The following TNNI3K variants were observed in gnomAD, a reference collection of about 807,000 sequenced individuals.
The protein encoded by TNNI3K is serine/threonine-protein kinase TNNI3K.
In TNNI3K, 140 loss-of-function variants were observed where a neutral mutation model predicts 114.5. The observed-to-expected ratio is 1.22, with a 90% CI of 1.07 to 1.41. The LOEUF is 1.41. TNNI3K is among the 40% of genes most tolerant of loss of function. The probability of loss-of-function intolerance (pLI) is 0.00; values close to 1 mark genes in which losing one functional copy is unlikely to be tolerated. For missense variants in TNNI3K, 1,125 were observed against 1,007.6 expected (o/e 1.12, Z -1.58); for synonymous variants, 347 against 347.5 (o/e 1.00, Z 0.02).
intron 17 of TNNI3K, among the ~76,000 whole-genome samples, chr1:74,390,342 CT>C (rs1161756653): frequency 1.3e-5 from 2 of 152,188 alleles, no homozygotes; most frequent in African/African-American, 4.8e-5. Flanking sequence ...ATTTCCTGGA[CT>C]TTATTTTGAG....
At chr1:74,408,111 A>C (rs542865178) in intron 17 of TNNI3K, among the ~76,000 whole-genome samples, 1 of 152,282 alleles carries the variant, frequency 6.6e-6, no homozygotes. Flanking sequence ...TTTTCTCTAA[A>C]TATCACCACA....
chr1:74,368,922 A>G (rs1220555973), intron 13 of TNNI3K, 100 bp from the exon 14 acceptor site: 3 of 999,652 alleles, frequency 3.0e-6, no homozygotes, highest in East Asian at 3.0e-5. Flanking sequence ...AAATGTTATT[A>G]GGAAATTATG....
intron 23 of TNNI3K, among the ~76,000 whole-genome samples, chr1:74,497,676 TCCTAG>T (rs1669400043): frequency 6.6e-6 from 1 of 152,062 alleles, no homozygotes; most frequent in Non-Finnish European, 1.5e-5. Flanking sequence ...CCTCTCTGCT[TCCTAG>T]CGTTTGCAAC....
chr1:74,449,101 T>C (rs1666857143), intron 20 of TNNI3K, among the ~76,000 whole-genome samples: 1 of 145,588 alleles, frequency 6.9e-6, no homozygotes. Flanking sequence ...CCTGGACTCT[T>C]TTTGGTTGGT....
At chr1:74,477,477 A>G (rs1668262700) in intron 21 of TNNI3K, among the ~76,000 whole-genome samples, 1 of 152,198 alleles carries the variant, frequency 6.6e-6, no homozygotes, top group Non-Finnish European at 1.5e-5. Context: ...CAGGAACAAA[A>G]AAATCCAAAA....
At chr1:74,390,252 G>A (rs1401183288) in intron 17 of TNNI3K, among the ~76,000 whole-genome samples, 1 of 152,122 alleles carries the variant, frequency 6.6e-6, no homozygotes, top group Non-Finnish European at 1.5e-5. Context: ...AGAAGTCTGG[G>A]TAAGATTGAG....
chr1:74,386,070 G>A (rs1663462899), intron 17 of TNNI3K, among the ~76,000 whole-genome samples: 1 of 152,186 alleles, frequency 6.6e-6, no homozygotes, highest in South Asian at 2.1e-4. Flanking sequence ...CTTTACAAAA[G>A]GGAGTTCCAC....
intron 21 of TNNI3K, among the ~76,000 whole-genome samples, chr1:74,488,197 G>A (rs1668865745): frequency 6.6e-6 from 1 of 152,128 alleles, no homozygotes; most frequent in Non-Finnish European, 1.5e-5. Flanking sequence ...GTGTTTAGAG[G>A]AGAAACCATT....
At chr1:74,257,661 C>CCTTTTTTTTTT in intron 4 of TNNI3K, among the ~76,000 whole-genome samples, 1 of 78,588 alleles carries the variant, frequency 1.3e-5, no homozygotes, top group Non-Finnish European at 3.1e-5. Context: ...CTTGGCTTAC[C>CCTTTTTTTTTT]TCTTTTTTTT....
chr1:74,323,865 G>C (rs183934971), intron 5 of TNNI3K, among the ~76,000 whole-genome samples: 109 of 152,218 alleles, frequency 7.2e-4, no homozygotes, highest in African/African-American at 2.5e-3. Flanking sequence ...ATGTCAGTGA[G>C]GAAAAGCAAC....
intron 5 of TNNI3K, among the ~76,000 whole-genome samples, chr1:74,281,602 T>C (rs1237006437): frequency 2.0e-5 from 3 of 152,114 alleles, no homozygotes; most frequent in African/African-American, 7.2e-5. Flanking sequence ...TTCAAGTTTC[T>C]TTTTCGATCT....
intron 17 of TNNI3K, among the ~76,000 whole-genome samples, chr1:74,430,410 T>C (rs1386544425): frequency 6.6e-6 from 1 of 152,114 alleles, no homozygotes; most frequent in Non-Finnish European, 1.5e-5. Flanking sequence ...CCATTCACTT[T>C]TGGTTAAAAG....
At position 74,367,242 on chromosome 1, in the gene TNNI3K, A is replaced by G. The variant is rs200294762; in HGVS notation, c.1178-14A>G. On this transcript the variant is annotated splice_polypyrimidine_tract_variant and intron_variant, in intron 11 of 24. Transcript: ENST00000326637. ...AAATTTAGGACTCTTTGTTCTTTGT[A>G]TCTTTTCATAAAGGGCATGATGCCA... The G allele has an allele frequency of 2.6e-5, 42 of 1,609,192 alleles. No individual in the cohort carries two copies. The Middle Eastern group carries it at 1.2e-3, about 44-fold the overall frequency.
At chr1:74,408,868 A>G (rs1664747678) in intron 17 of TNNI3K, among the ~76,000 whole-genome samples, 1 of 152,122 alleles carries the variant, frequency 6.6e-6, no homozygotes, top group Non-Finnish European at 1.5e-5. Context: ...TTGTTGTACT[A>G]TTTTGTAGAA....
chr1:74,481,355 A>G (rs1668491896), intron 21 of TNNI3K, among the ~76,000 whole-genome samples: 1 of 152,164 alleles, frequency 6.6e-6, no homozygotes, highest in Non-Finnish European at 1.5e-5. Flanking sequence ...AGAATCAACT[A>G]AGAGCTGAGC....
intron 24 of TNNI3K, among the ~76,000 whole-genome samples, chr1:74,543,063 C>T (rs10890131): frequency 0.78 from 9,616 of 12,342 alleles, 4,223 homozygotes; most frequent in Middle Eastern, 0.92. Context: ...TTTCTTTTTC[C>T]CTTTTTTTTT....
At chr1:74,495,845 A>G (rs938951387) in intron 23 of TNNI3K, among the ~76,000 whole-genome samples, 2 of 152,162 alleles carry the variant, frequency 1.3e-5, no homozygotes, top group African/African-American at 4.8e-5. Context: ...TCAATCTGTG[A>G]ATAACTTCGA....
chr1:74,295,300 A>T (rs1287078699), intron 5 of TNNI3K, among the ~76,000 whole-genome samples: 1 of 152,142 alleles, frequency 6.6e-6, no homozygotes, highest in Non-Finnish European at 1.5e-5. Flanking sequence ...GATTTTGGCA[A>T]ATGTTCTCTG....
intron 7 of TNNI3K, among the ~76,000 whole-genome samples, chr1:74,342,337 A>AC (rs1339409044): frequency 6.6e-6 from 1 of 152,166 alleles, no homozygotes; most frequent in African/African-American, 2.4e-5. Context: ...TGCTTTGCAT[A>AC]CTGTAGTATG....
Sources: allele counts gnomAD v4.1 joint callset (sites outside exome capture counted in the v4.1 genomes callset), GRCh38; gene constraint gnomAD v4.1.1; transcripts MANE v1.5; gene names NCBI Gene and HGNC (gene_info 2026-07-23, HGNC 2026-07-21).